GLRA2: variants seen among roughly 807,000 people sequenced by gnomAD.
The protein encoded by GLRA2 is glycine receptor subunit alpha-2.
Under a neutral mutation model 31.6 loss-of-function variants are expected in GLRA2, and 11 were observed. That is an observed-to-expected ratio of 0.35 (90% CI 0.22 to 0.58). The LOEUF (loss-of-function observed/expected upper bound fraction) is 0.58, where lower values mean the gene tolerates loss of function less well. GLRA2 is among the 20% of genes least tolerant of loss of function. The pLI, the probability that GLRA2 is intolerant of heterozygous loss-of-function variation, is 0.84. For missense variants in GLRA2, 212 were observed against 351.8 expected, an observed-to-expected ratio of 0.60 and a Z score of 3.18; for synonymous variants, 132 against 134.0, an observed-to-expected ratio of 0.99 and a Z score of 0.10.
At chrX:14,693,890 A>C (rs1472465635) in intron 8 of GLRA2, among the ~76,000 whole-genome samples, 2 of 112,198 alleles carry the variant, frequency 1.8e-5, no homozygotes, top group Non-Finnish European at 3.8e-5. Flanking sequence ...TGAAAGATAA[A>C]TTGTACATAT....
chrX:14,657,608 T>C (rs1159380671), intron 7 of GLRA2, among the ~76,000 whole-genome samples: 3 of 112,709 alleles, frequency 2.7e-5, no homozygotes, highest in African/African-American at 9.7e-5. Flanking sequence ...GGCATTAATT[T>C]TGTTGCTCTC....
At chrX:14,457,799 A>G in the GLRA2 span, among the ~76,000 whole-genome samples, 1 of 111,370 alleles carries the variant, frequency 9.0e-6, no homozygotes. Context: ...TGGTTGAACT[A>G]ATTTACACTC....
At chrX:14,707,967 CT>C (rs776683555) in intron 8 of GLRA2, among the ~76,000 whole-genome samples, 2 of 110,501 alleles carry the variant, frequency 1.8e-5, no homozygotes, top group South Asian at 3.9e-4. Flanking sequence ...TTACCAGTTT[CT>C]TTTTTTTCCT....
chrX:14,709,058 T>C (rs1179209217), intron 8 of GLRA2, among the ~76,000 whole-genome samples: 2 of 111,773 alleles, frequency 1.8e-5, no homozygotes, highest in African/African-American at 3.3e-5. Flanking sequence ...TTATAACTAT[T>C]GTATTGACAT....
intron 7 of GLRA2, among the ~76,000 whole-genome samples, chrX:14,613,101 C>T (rs972336354): frequency 1.1e-4 from 12 of 111,287 alleles, no homozygotes; most frequent in African/African-American, 3.6e-4. Flanking sequence ...TTATTATCTA[C>T]CCCTTAAAAA....
At chrX:14,589,548 G>A (rs922231645) in intron 4 of GLRA2, among the ~76,000 whole-genome samples, 1 of 104,868 alleles carries the variant, frequency 9.5e-6, no homozygotes, top group Non-Finnish European at 1.9e-5. Context: ...TCGGGTGCCT[G>A]TAGTCCCAGC....
intron 3 of GLRA2, among the ~76,000 whole-genome samples, chrX:14,575,283 C>T (rs2089941063): frequency 9.2e-6 from 1 of 108,697 alleles, no homozygotes; most frequent in Non-Finnish European, 1.9e-5. Context: ...TTACTGCAAC[C>T]TCTGGCTCCC....
At chrX:14,501,165 C>T in the GLRA2 span, among the ~76,000 whole-genome samples, 1 of 110,640 alleles carries the variant, frequency 9.0e-6, no homozygotes, top group Non-Finnish European at 1.9e-5. Flanking sequence ...TTCTGCGGAA[C>T]CCACCATGAC....
At chrX:14,544,775 A>G (rs1472067768) in intron 2 of GLRA2, among the ~76,000 whole-genome samples, 2 of 111,705 alleles carry the variant, frequency 1.8e-5, no homozygotes, top group Non-Finnish European at 3.8e-5. Context: ...TCTTGGGGAA[A>G]GGATGATTAT....
the GLRA2 span, among the ~76,000 whole-genome samples, chrX:14,482,495 G>C: frequency 1.8e-5 from 2 of 110,863 alleles, no homozygotes; most frequent in African/African-American, 6.6e-5. Flanking sequence ...GTCAACCCTG[G>C]TTATAGGGCA....
At chrX:14,631,337 T>C (rs1280150323) in intron 7 of GLRA2, among the ~76,000 whole-genome samples, 1 of 111,190 alleles carries the variant, frequency 9.0e-6, no homozygotes, top group Non-Finnish European at 1.9e-5. Context: ...TATAGTAGGA[T>C]TTGATGTCCT....
intron 7 of GLRA2, among the ~76,000 whole-genome samples, chrX:14,675,601 T>C (rs1264821964): frequency 1.8e-5 from 2 of 111,247 alleles, no homozygotes; most frequent in Non-Finnish European, 3.8e-5. Context: ...ATATTAGATA[T>C]GGAGAGAAAA....
At chrX:14,574,620 A>C in intron 3 of GLRA2, 2 of 849,971 alleles carry the variant, frequency 2.4e-6, no homozygotes, top group Non-Finnish European at 3.5e-6. Context: ...ATTGAAGTGC[A>C]CTGTGGCATA....
At chrX:14,540,085 G>C (rs1019658824) in intron 2 of GLRA2, among the ~76,000 whole-genome samples, 4 of 111,666 alleles carry the variant, frequency 3.6e-5, no homozygotes, top group African/African-American at 1.3e-4. Flanking sequence ...GTGGTAAATA[G>C]AAATTTAAGC....
chrX:14,611,454 C>G (rs1328566471), intron 7 of GLRA2, among the ~76,000 whole-genome samples: 1 of 112,615 alleles, frequency 8.9e-6, no homozygotes, highest in East Asian at 2.8e-4. Context: ...ATGGGCAAGC[C>G]CATGCACATG....
At chrX:14,721,763 T>C (rs754281876) in intron 8 of GLRA2, among the ~76,000 whole-genome samples, 20 of 111,717 alleles carry the variant, frequency 1.8e-4, no homozygotes, top group Non-Finnish European at 3.2e-4. Flanking sequence ...ACTTGGACAC[T>C]TAATGGCCTG....
At chrX:14,450,102 T>C in the GLRA2 span, among the ~76,000 whole-genome samples, 2 of 111,743 alleles carry the variant, frequency 1.8e-5, no homozygotes, top group Non-Finnish European at 3.8e-5. Context: ...AGAGACCTAG[T>C]TGGGGGAGCG....
At chrX:14,543,236 CAAAAAAAAAAAAAAA>C (rs60906048) in intron 2 of GLRA2, among the ~76,000 whole-genome samples, 3 of 23,378 alleles carry the variant, frequency 1.3e-4, no homozygotes. Flanking sequence ...TTGTCATCTG[CAAAAAAAAAAAAAAA>C]AAAAAAAAAA....
upstream of GLRA2, among the ~76,000 whole-genome samples, chrX:14,525,964 T>G (rs1407832746): frequency 8.9e-6 from 1 of 112,318 alleles, no homozygotes; most frequent in Non-Finnish European, 1.9e-5. Context: ...GACCAAAGCA[T>G]GTACTGTCTC....
Sources: gnomAD v4.1 joint callset for allele counts (sites outside exome capture counted in the v4.1 genomes callset) on GRCh38, gnomAD v4.1.1 for gene constraint, MANE v1.5 for transcripts, NCBI Gene and HGNC (gene_info 2026-07-23, HGNC 2026-07-21) for gene names.